USP25: variants seen among roughly 807,000 people sequenced by gnomAD.
USP25 encodes ubiquitin specific peptidase 25.
In USP25, 85 loss-of-function variants were observed where a neutral mutation model predicts 158.5. The observed-to-expected ratio is 0.54, with a 90% CI of 0.45 to 0.64. The LOEUF (loss-of-function observed/expected upper bound fraction) is 0.64. Ranked by LOEUF, USP25 falls within the 30% of genes least tolerant of loss-of-function variation. USP25 has a pLI of 0.00. For synonymous variants in USP25, 464 were observed against 460.4 expected (o/e 1.01, Z -0.10); for missense variants, 1,242 against 1,327.3 (o/e 0.94, Z 1.00).
chr21:15,819,139 A>G (rs934341498), intron 10 of USP25, among the ~76,000 whole-genome samples: 11 of 152,196 alleles, frequency 7.2e-5, no homozygotes, highest in African/African-American at 2.7e-4. Context: ...GCAGCATGCT[A>G]GTTCCTCGAT....
chr21:15,799,920 T>C (rs1475269920), intron 6 of USP25, 77 bp downstream of exon 6: 1 of 902,614 alleles, frequency 1.1e-6, no homozygotes, highest in Non-Finnish European at 1.6e-6. Flanking sequence ...TTTGGGCATT[T>C]ACTTGGCTCA....
intron 2 of USP25, among the ~76,000 whole-genome samples, chr21:15,763,503 G>T (rs1228374512): frequency 2.0e-5 from 3 of 152,066 alleles, no homozygotes; most frequent in Non-Finnish European, 4.4e-5. Flanking sequence ...TCATATCTTA[G>T]TTGGACCTTC....
At chr21:15,799,465 CTTTAT>C (rs2036025125) in intron 5 of USP25, 1 of 194,744 alleles carries the variant, frequency 5.1e-6, no homozygotes, top group Admixed American at 5.7e-5. Flanking sequence ...TTTGCATACT[CTTTAT>C]TTTGAGGAAA....
chr21:15,801,352 C>T (rs961208556), intron 6 of USP25, among the ~76,000 whole-genome samples: 3 of 151,630 alleles, frequency 2.0e-5, no homozygotes, highest in African/African-American at 2.4e-5. Flanking sequence ...TTCCAGTCTT[C>T]AGCACCTTTC....
intron 1 of USP25, among the ~76,000 whole-genome samples, chr21:15,745,794 A>G (rs1033743966): frequency 6.6e-6 from 1 of 152,018 alleles, no homozygotes; most frequent in African/African-American, 2.4e-5. Flanking sequence ...CATTTTCTTG[A>G]AACTTAGTTT....
rs138452671 is a variant in USP25 at position 15,790,284 on chromosome 21, G to A, written c.393-1218G>A. On this transcript the variant is annotated intron_variant, in intron 4 of 25. Transcript: ENST00000400183. ...GTCACTCTTAAGTGTGACAGAAGTA[G>A]AAACTGTTTACTTTTCACTATATGA... 4.2e-3 allele frequency among the ~76,000 whole-genome samples: 642 copies of A among 152,048 alleles called. 5 individuals are homozygous for A. The highest frequency in any genetic ancestry group is 0.015 in the African/African-American group (618 of 41,492).
At chr21:15,846,158 A>ATATATATAT (rs1325255884) in intron 18 of USP25, among the ~76,000 whole-genome samples, 1 of 23,942 alleles carries the variant, frequency 4.2e-5, no homozygotes, top group Non-Finnish European at 7.1e-5. Context: ...ATATATATAT[A>ATATATATAT]TTTTTTTTTT....
chr21:15,740,716 AT>A (rs953141999), intron 1 of USP25, among the ~76,000 whole-genome samples: 1 of 104,950 alleles, frequency 9.5e-6, no homozygotes, highest in Non-Finnish European at 1.9e-5. Context: ...TTCCTATAGG[AT>A]TTTTTTGTGG....
At chr21:15,735,373 C>T (rs186702296) in intron 1 of USP25, among the ~76,000 whole-genome samples, 118 of 152,238 alleles carry the variant, frequency 7.8e-4, no homozygotes, top group African/African-American at 2.7e-3. Context: ...TACAGTATAA[C>T]AACTATTTAT....
chr21:15,786,683 AT>A (rs2035294840), intron 4 of USP25, among the ~76,000 whole-genome samples: 1 of 152,176 alleles, frequency 6.6e-6, no homozygotes, highest in South Asian at 2.1e-4. Flanking sequence ...GCAGAAAAAA[AT>A]GAAAGCTTTT....
chr21:15,818,567 C>G, intron 9 of USP25, 131 bp from the exon 10 acceptor site: 2 of 745,182 alleles, frequency 2.7e-6, no homozygotes, highest in Non-Finnish European at 4.2e-6. Flanking sequence ...GGAAAATTAA[C>G]ACTAACACTT....
chr21:15,872,945 A>T (rs1434659452), intron 23 of USP25, among the ~76,000 whole-genome samples: 1 of 152,142 alleles, frequency 6.6e-6, no homozygotes, highest in African/African-American at 2.4e-5. Flanking sequence ...AATCTGTGAA[A>T]AAATATATTA....
intron 17 of USP25, among the ~76,000 whole-genome samples, chr21:15,836,451 G>T (rs150610590): frequency 1.5e-4 from 23 of 152,356 alleles, no homozygotes; most frequent in African/African-American, 5.3e-4. Context: ...TACTGCAAAG[G>T]CAAACTTACC....
chr21:15,830,476 T>C, intron 14 of USP25, 55 bp from the exon 15 acceptor site: 1 of 1,484,704 alleles, frequency 6.7e-7, no homozygotes, highest in Non-Finnish European at 9.2e-7. Context: ...AGTCCTTATC[T>C]TATAAGTAGA....
intron 20 of USP25, among the ~76,000 whole-genome samples, chr21:15,862,228 C>A (rs578090693): frequency 2.7e-4 from 41 of 151,948 alleles, no homozygotes; most frequent in Admixed American, 2.6e-4. Flanking sequence ...GTTGAGTATC[C>A]CAAATCCAGA....
chr21:15,870,810 T>G (rs1380154910), intron 23 of USP25, among the ~76,000 whole-genome samples: 3 of 152,222 alleles, frequency 2.0e-5, no homozygotes, highest in Admixed American at 6.5e-5. Context: ...TTCCTTTCTT[T>G]TTTGTTTTAT....
chr21:15,754,960 A>T (rs541114555), intron 1 of USP25, among the ~76,000 whole-genome samples: 1 of 152,326 alleles, frequency 6.6e-6, no homozygotes, highest in South Asian at 2.1e-4. Context: ...AGAGAACATG[A>T]GCTAGAGCAG....
chr21:15,792,450 G>C (rs886941238), intron 5 of USP25, among the ~76,000 whole-genome samples: 1 of 151,462 alleles, frequency 6.6e-6, no homozygotes, highest in Non-Finnish European at 1.5e-5. Flanking sequence ...CTAATGTTTT[G>C]TGTTCGTTTT....
intron 5 of USP25, among the ~76,000 whole-genome samples, chr21:15,796,086 T>C (rs764351926): frequency 3.3e-4 from 50 of 151,570 alleles, no homozygotes; most frequent in South Asian, 6.2e-4. Context: ...AATTCACATA[T>C]TAGCTTTGGA....
Sources: gnomAD v4.1 joint callset for allele counts (sites outside exome capture counted in the v4.1 genomes callset) on GRCh38, gnomAD v4.1.1 for gene constraint, MANE v1.5 for transcripts, NCBI Gene and HGNC (gene_info 2026-07-23, HGNC 2026-07-21) for gene names.